The following PCLO variants were observed in gnomAD, a reference collection of about 807,000 sequenced individuals.
The protein encoded by PCLO is protein piccolo.
In PCLO, 82 loss-of-function variants were observed where a neutral mutation model predicts 427.5. The observed-to-expected ratio is 0.19, with a 90% confidence interval of 0.16 to 0.23. PCLO has a LOEUF of 0.23. Among genes scored for constraint, PCLO ranks in the 10% least tolerant of loss-of-function variants. The probability of loss-of-function intolerance (pLI) is 1.00; values close to 1 mark genes in which losing one functional copy is unlikely to be tolerated. For missense variants in PCLO, 6,239 were observed against 6,115.9 expected (o/e 1.02, Z -0.67); for synonymous variants, 2,357 against 2,155.4 (o/e 1.09, Z -2.59).
At chr7:82,783,394 CACG>C (rs1790915597) in intron 22 of PCLO, among the ~76,000 whole-genome samples, 1 of 151,990 alleles carries the variant, frequency 6.6e-6, no homozygotes, top group South Asian at 2.1e-4. Flanking sequence ...GCGAGCGGAT[CACG>C]ACGTCAGGAG....
At chr7:82,903,333 T>C (rs4618640) in intron 8 of PCLO, among the ~76,000 whole-genome samples, 90,938 of 151,800 alleles carry the variant, frequency 0.6, 28,276 homozygotes, top group East Asian at 0.82. Context: ...TAAATAAAGA[T>C]TTTGTTCACT....
At chr7:82,921,307 C>A (rs1290935280) in intron 6 of PCLO, among the ~76,000 whole-genome samples, 1 of 150,412 alleles carries the variant, frequency 6.6e-6, no homozygotes, top group Admixed American at 6.6e-5. Context: ...AACAAACAAA[C>A]AAAAACAAAG....
At chr7:83,050,227 A>AAAAAAAAAAAAAAAAAAAAAAAAAAAAC in intron 3 of PCLO, among the ~76,000 whole-genome samples, 1 of 85,620 alleles carries the variant, frequency 1.2e-5, no homozygotes, top group Non-Finnish European at 2.7e-5. Flanking sequence ...AAAAAAAAAA[A>AAAAAAAAAAAAAAAAAAAAAAAAAAAAC]AAAAAAAAAA....
chr7:82,904,320 TTCTC>T (rs771430401), intron 8 of PCLO, among the ~76,000 whole-genome samples: 2 of 151,858 alleles, frequency 1.3e-5, no homozygotes, highest in Non-Finnish European at 2.9e-5. Flanking sequence ...ACTCTTTCCT[TTCTC>T]TCTGTTACTT....
At chr7:82,991,507 A>C (rs1007575470) in intron 3 of PCLO, among the ~76,000 whole-genome samples, 1 of 152,126 alleles carries the variant, frequency 6.6e-6, no homozygotes, top group Non-Finnish European at 1.5e-5. Context: ...CCTATAAATG[A>C]AAGTCTTTGC....
At chr7:83,077,032 A>ATG (rs912458280) in intron 3 of PCLO, among the ~76,000 whole-genome samples, 61 of 151,700 alleles carry the variant, frequency 4.0e-4, no homozygotes, top group African/African-American at 1.5e-3. Flanking sequence ...ATATATATAT[A>ATG]TATTTTGCAT....
chr7:83,031,712 ATC>A (rs35232098), intron 3 of PCLO, among the ~76,000 whole-genome samples: 68,845 of 142,120 alleles, frequency 0.48, 18,176 homozygotes, highest in Middle Eastern at 0.7. Context: ...ATGAGTCTTA[ATC>A]TCTCTCTCTC....
At chr7:83,081,028 G>A (rs558160453) in intron 3 of PCLO, among the ~76,000 whole-genome samples, 26 of 151,830 alleles carry the variant, frequency 1.7e-4, no homozygotes, top group African/African-American at 5.5e-4. Flanking sequence ...TTTGAACCAC[G>A]GTTTATGGGT....
intron 3 of PCLO, among the ~76,000 whole-genome samples, chr7:83,095,802 T>C (rs1258288968): frequency 6.6e-6 from 1 of 152,098 alleles, no homozygotes; most frequent in Non-Finnish European, 1.5e-5. Context: ...CTATATGATT[T>C]AAGTGCTTTA....
At chr7:82,848,472 G>A (rs1328207748) in intron 10 of PCLO, among the ~76,000 whole-genome samples, 1 of 151,688 alleles carries the variant, frequency 6.6e-6, no homozygotes, top group Non-Finnish European at 1.5e-5. Flanking sequence ...CACCACGCCT[G>A]GCTAATTTTT....
chr7:83,114,009 A>C (rs1410027723), intron 3 of PCLO, among the ~76,000 whole-genome samples: 5 of 152,146 alleles, frequency 3.3e-5, no homozygotes, highest in Non-Finnish European at 5.9e-5. Flanking sequence ...TGTACTTAAG[A>C]CTTCTTATGA....
At chr7:82,999,017 A>G (rs1787706900) in intron 3 of PCLO, among the ~76,000 whole-genome samples, 2 of 151,202 alleles carry the variant, frequency 1.3e-5, no homozygotes, top group Admixed American at 6.6e-5. Context: ...TTAGGGATAA[A>G]AAAAACACTG....
chr7:82,968,752 C>T (rs1336465625), intron 3 of PCLO, among the ~76,000 whole-genome samples: 1 of 152,042 alleles, frequency 6.6e-6, no homozygotes, highest in African/African-American at 2.4e-5. Flanking sequence ...ATCTCCTGAC[C>T]TTGTGATCTG....
intron 3 of PCLO, among the ~76,000 whole-genome samples, chr7:83,005,685 T>C (rs1232197590): frequency 6.6e-6 from 1 of 151,558 alleles, no homozygotes; most frequent in Non-Finnish European, 1.5e-5. Context: ...AGTGTACAGG[T>C]AGGTATATGA....
chr7:82,952,706 A>G lies in PCLO; in HGVS notation c.8247T>C (p.Ala2749=). The G allele has an allele frequency of 1.2e-6, 2 of 1,613,884 alleles. No homozygotes were observed. The highest frequency in any genetic ancestry group is 1.7e-6 in the Non-Finnish European group (2 of 1,179,826). The part of the protein sequence containing the change: ...KTTDKCIDLS[A]STMDVKRQIT... ...TCTGCCTTTTCACATCCATTGTAGA[A>G]GCAGAAAGATCAATACATTTATCAG... The change falls in exon 5 of 25, where the codon GCT becomes GCC. Residue 2749 remains alanine, a synonymous_variant. Coordinates refer to ENST00000333891, the MANE Select transcript of PCLO (RefSeq NM_033026.6).
intron 1 of PCLO, among the ~76,000 whole-genome samples, 177 bp downstream of exon 1, chr7:83,162,168 T>A (rs1186437108): frequency 6.6e-6 from 1 of 152,230 alleles, no homozygotes; most frequent in African/African-American, 2.4e-5. Flanking sequence ...CTACAATGCA[T>A]CATTTTTATT....
At chr7:83,015,833 G>A (rs1211740512) in intron 3 of PCLO, among the ~76,000 whole-genome samples, 2 of 151,952 alleles carry the variant, frequency 1.3e-5, no homozygotes, top group African/African-American at 2.4e-5. Context: ...CTTAGAAAAG[G>A]TCCTAGAATG....
chr7:82,976,598 CTA>C (rs1387495230), intron 3 of PCLO, among the ~76,000 whole-genome samples: 1 of 152,052 alleles, frequency 6.6e-6, no homozygotes, highest in Admixed American at 6.6e-5. Flanking sequence ...TTCTAACAAA[CTA>C]TTTTGGATAT....
chr7:82,841,411 A>G (rs2115780208), intron 14 of PCLO, 48 bp downstream of exon 14: 1 of 1,191,878 alleles, frequency 8.4e-7, no homozygotes, highest in East Asian at 2.4e-5. Context: ...CAGTGGCAAA[A>G]CAACCAAAAA....
Sources: gnomAD v4.1 joint callset for allele counts (sites outside exome capture counted in the v4.1 genomes callset) on GRCh38, gnomAD v4.1.1 for gene constraint, MANE v1.5 for transcripts, NCBI Gene and HGNC (gene_info 2026-07-23, HGNC 2026-07-21) for gene names.